The following PTPRD variants were observed in gnomAD, a reference collection of about 807,000 sequenced individuals.
PTPRD encodes protein tyrosine phosphatase receptor type D.
Under a neutral mutation model 214.5 loss-of-function variants are expected in PTPRD, and 34 were observed. The ratio of observed to expected loss-of-function variants is 0.16; its 90% CI spans 0.12 to 0.21. The LOEUF (loss-of-function observed/expected upper bound fraction) is 0.21, where lower values mean the gene tolerates loss of function less well. Ranked by LOEUF, PTPRD falls within the 10% of genes least tolerant of loss-of-function variation. PTPRD has a pLI of 1.00. For synonymous variants in PTPRD, 1,128 were observed against 845.7 expected (o/e 1.33, Z -5.79); for missense variants, 2,545 against 2,398.7 (o/e 1.06, Z -1.27).
intron 11 of PTPRD, among the ~76,000 whole-genome samples, chr9:8,929,733 GTATATATATGTGTA>G (rs1567060468): frequency 2.4e-4 from 23 of 95,104 alleles, no homozygotes; most frequent in Non-Finnish European, 1.0e-4. Flanking sequence ...ATATATATGT[GTATATATATGTGTA>G]TATATATATG....
intron 12 of PTPRD, among the ~76,000 whole-genome samples, chr9:8,647,019 C>A (rs1292277926): frequency 6.6e-6 from 1 of 152,194 alleles, no homozygotes; most frequent in Non-Finnish European, 1.5e-5. Flanking sequence ...ATGTGACATA[C>A]CTTGCCACTG....
chr9:9,947,591 TATATA>T (rs1203337319), intron 4 of PTPRD, among the ~76,000 whole-genome samples: 1 of 51,018 alleles, frequency 2.0e-5, no homozygotes, highest in South Asian at 4.8e-4. Flanking sequence ...ATATATTATA[TATATA>T]ATATATATAT....
At chr9:10,280,008 T>TC (rs2095000119) in intron 3 of PTPRD, among the ~76,000 whole-genome samples, 1 of 152,206 alleles carries the variant, frequency 6.6e-6, no homozygotes. Flanking sequence ...CTTATGATGC[T>TC]ATGGTAATAC....
chr9:9,769,973 G>A (rs1221048862), intron 5 of PTPRD, among the ~76,000 whole-genome samples: 3 of 152,156 alleles, frequency 2.0e-5, no homozygotes, highest in African/African-American at 7.2e-5. Context: ...ATTCCATGGT[G>A]TATATGTGCC....
At chr9:9,707,896 A>C (rs1184085028) in intron 7 of PTPRD, among the ~76,000 whole-genome samples, 1 of 151,312 alleles carries the variant, frequency 6.6e-6, no homozygotes, top group Non-Finnish European at 1.5e-5. Flanking sequence ...TAGAGTACTC[A>C]TTATTTTCTC....
intron 2 of PTPRD, among the ~76,000 whole-genome samples, chr9:10,586,883 C>A (rs1239069983): frequency 1.3e-5 from 2 of 151,428 alleles, no homozygotes; most frequent in African/African-American, 2.4e-5. Flanking sequence ...TGTTTTTTAA[C>A]CCCACAAAGT....
intron 11 of PTPRD, among the ~76,000 whole-genome samples, chr9:8,989,649 T>G (rs1267372772): frequency 6.6e-6 from 1 of 152,144 alleles, no homozygotes; most frequent in African/African-American, 2.4e-5. Flanking sequence ...TAAAATTATG[T>G]GACTAAATCC....
intron 3 of PTPRD, among the ~76,000 whole-genome samples, chr9:10,260,486 A>T (rs755708820): frequency 6.6e-6 from 1 of 152,150 alleles, no homozygotes. Flanking sequence ...TACGCATTCC[A>T]ACTAAGATGT....
intron 10 of PTPRD, among the ~76,000 whole-genome samples, chr9:9,019,069 A>G (rs2099548672): frequency 6.6e-6 from 1 of 152,138 alleles, no homozygotes; most frequent in Admixed American, 6.6e-5. Flanking sequence ...ATCATTCAAT[A>G]AAAACAAACT....
At chr9:8,651,137 A>G (rs1205583261) in intron 12 of PTPRD, among the ~76,000 whole-genome samples, 1 of 152,206 alleles carries the variant, frequency 6.6e-6, no homozygotes, top group Non-Finnish European at 1.5e-5. Flanking sequence ...TAGAGTGAAG[A>G]GAAAGAATCT....
At chr9:9,586,450 T>A (rs933016426) in intron 7 of PTPRD, among the ~76,000 whole-genome samples, 1 of 152,006 alleles carries the variant, frequency 6.6e-6, no homozygotes, top group Non-Finnish European at 1.5e-5. Context: ...GTACCAGGCA[T>A]TTTTTAGTAA....
At chr9:10,249,131 A>G (rs917867480) in intron 3 of PTPRD, among the ~76,000 whole-genome samples, 8 of 152,154 alleles carry the variant, frequency 5.3e-5, no homozygotes, top group South Asian at 2.1e-4. Context: ...CAGGTAAGTG[A>G]CTAAAAGTGA....
At chr9:9,747,259 A>G (rs901990267) in intron 6 of PTPRD, among the ~76,000 whole-genome samples, 6 of 152,048 alleles carry the variant, frequency 3.9e-5, no homozygotes, top group Admixed American at 3.9e-4. Context: ...GCTTCTGTTC[A>G]GGCTCATGAT....
At chr9:10,361,721 G>A (rs957264203) in intron 2 of PTPRD, among the ~76,000 whole-genome samples, 1 of 152,034 alleles carries the variant, frequency 6.6e-6, no homozygotes. Flanking sequence ...ATTCCTGTTA[G>A]GTATTGAATA....
intron 8 of PTPRD, among the ~76,000 whole-genome samples, chr9:9,574,469 C>T (rs2087695700): frequency 6.6e-6 from 1 of 151,952 alleles, no homozygotes; most frequent in South Asian, 2.1e-4. Flanking sequence ...GAACAGTTTT[C>T]AGTGGTATCA....
intron 2 of PTPRD, among the ~76,000 whole-genome samples, chr9:10,466,973 A>G (rs1384213302): frequency 2.6e-5 from 4 of 152,228 alleles, no homozygotes; most frequent in Non-Finnish European, 4.4e-5. Flanking sequence ...CTAGGAAACT[A>G]TGATAGCAAA....
At chr9:8,508,619 A>G (rs1592315559) in intron 21 of PTPRD, among the ~76,000 whole-genome samples, 2 of 152,344 alleles carry the variant, frequency 1.3e-5, no homozygotes, top group Admixed American at 6.5e-5. Flanking sequence ...AGAGGAGTAA[A>G]AAAACATCTA....
At chr9:9,586,256 T>C (rs1312319064) in intron 7 of PTPRD, among the ~76,000 whole-genome samples, 2 of 152,028 alleles carry the variant, frequency 1.3e-5, no homozygotes, top group African/African-American at 4.8e-5. Flanking sequence ...GTAGACCTCA[T>C]TATTTGGTTC....
intron 10 of PTPRD, among the ~76,000 whole-genome samples, chr9:9,161,348 G>T (rs185592778): frequency 6.6e-6 from 1 of 152,128 alleles, no homozygotes; most frequent in East Asian, 1.9e-4. Flanking sequence ...AATAAGAAAA[G>T]AATTAGTGGT....
Sources: gnomAD v4.1 joint callset for allele counts (sites outside exome capture counted in the v4.1 genomes callset) on GRCh38, gnomAD v4.1.1 for gene constraint, MANE v1.5 for transcripts, NCBI Gene and HGNC (gene_info 2026-07-23, HGNC 2026-07-21) for gene names.